USH2A: variants seen among roughly 807,000 people sequenced by gnomAD.
USH2A encodes usherin.
USH2A carries 443 observed loss-of-function variants against 538.9 expected under a neutral mutation model. The ratio of observed to expected loss-of-function variants is 0.82; its 90% CI spans 0.76 to 0.89. The LOEUF is 0.89. Among genes scored for constraint, USH2A ranks in the 40% least tolerant of loss-of-function variants. The pLI, the probability that USH2A is intolerant of heterozygous loss-of-function variation, is 0.00. For synonymous variants in USH2A, 2,413 were observed against 2,273.5 expected (o/e 1.06, Z -1.75); for missense variants, 6,633 against 6,324.8 (o/e 1.05, Z -1.65).
In USH2A at chr1:215,648,530, G is replaced by A. The variant is rs766921811; in HGVS notation, c.14580C>T (p.His4860=). The change falls in exon 66 of 72, where the codon CAC becomes CAT. Residue 4860 remains histidine (H), a splice_region_variant and synonymous_variant. Transcript: ENST00000307340. ...SPPMFPNGVI[H]SYELQFHVAC... ...CATCCTTCTGCCTGACCCATTACCTGTGAATGACACCATTGGGGAACATGG... is the reference window on the plus strand; with the variant it reads ...CATCCTTCTGCCTGACCCATTACCTATGAATGACACCATTGGGGAACATGG... 5 of 1,614,022 alleles carry A rather than the reference G, an allele frequency of 3.1e-6. No individual in the cohort carries two copies. The South Asian group carries it at 4.4e-5, about 14-fold the overall frequency.
At chr1:216,112,542 C>G (rs950961662) in intron 21 of USH2A, among the ~76,000 whole-genome samples, 1 of 152,158 alleles carries the variant, frequency 6.6e-6, no homozygotes, top group East Asian at 1.9e-4. Flanking sequence ...GTTCAATGAA[C>G]AGATGATTTC....
chr1:215,823,712 A>G (rs568790542), intron 47 of USH2A, among the ~76,000 whole-genome samples: 1 of 152,026 alleles, frequency 6.6e-6, no homozygotes, highest in South Asian at 2.1e-4. Flanking sequence ...TATACCTTGT[A>G]GGTGATCTTC....
Position 215,674,349 on chromosome 1 carries a change from G to T in USH2A, c.13562C>A (p.Pro4521His). ...GGGGCTGGTTCGATCTTTGACAAGA[G>T]GACTCAAAATACCCCCTTGGCTGTT... The part of the protein sequence containing the change: ...ASNSQGGILS[P>H]LVKDRTSPSA... The change falls in exon 63 of 72, where the codon CCT (proline) becomes CAT (histidine). Residue 4521 changes from proline (P) to histidine (H), a missense_variant. By Grantham distance (77) the Pro-to-His change is moderately conservative. Transcript: ENST00000307340. 1 of 1,613,810 alleles carries T rather than the reference G, an allele frequency of 6.2e-7. No individual in the cohort carries two copies. Among genetic ancestry groups the T allele is most frequent in the Non-Finnish European group, 8.5e-7 (1 of 1,179,874 alleles).
intron 11 of USH2A, among the ~76,000 whole-genome samples, chr1:216,255,122 C>CTT (rs560552791): frequency 1.3e-5 from 2 of 152,210 alleles, no homozygotes; most frequent in Non-Finnish European, 2.9e-5. Context: ...TTCTCCTGCT[C>CTT]TTTATGGCTT....
At chr1:216,112,821 T>C (rs191666690) in intron 21 of USH2A, among the ~76,000 whole-genome samples, 1 of 152,222 alleles carries the variant, frequency 6.6e-6, no homozygotes. Context: ...TCTCATGCTG[T>C]ATATGTACCA....
At chr1:215,709,182 T>A (rs1659265998) in intron 61 of USH2A, among the ~76,000 whole-genome samples, 1 of 152,194 alleles carries the variant, frequency 6.6e-6, no homozygotes, top group Admixed American at 6.5e-5. Flanking sequence ...TCATTAATGA[T>A]TAATCTTTCA....
intron 32 of USH2A, among the ~76,000 whole-genome samples, chr1:216,016,163 G>A (rs1335073203): frequency 1.3e-5 from 2 of 149,902 alleles, no homozygotes; most frequent in East Asian, 4.0e-4. Flanking sequence ...TGGACACAGG[G>A]TGGGGAACAT....
intron 38 of USH2A, among the ~76,000 whole-genome samples, chr1:215,913,909 T>C (rs1162316590): frequency 6.6e-6 from 1 of 151,974 alleles, no homozygotes. Context: ...GGGAAAACTA[T>C]AGATATCCTT....
intron 21 of USH2A, among the ~76,000 whole-genome samples, chr1:216,163,643 T>G (rs2034109907): frequency 3.7e-5 from 1 of 27,280 alleles, no homozygotes; most frequent in African/African-American, 4.8e-4. Context: ...ATAACTTTTA[T>G]CTCAGTATAA....
intron 49 of USH2A, among the ~76,000 whole-genome samples, chr1:215,810,767 C>T (rs188263841): frequency 6.6e-6 from 1 of 152,240 alleles, no homozygotes; most frequent in East Asian, 1.9e-4. Context: ...CCATTGTTGA[C>T]ATCGTGAGCT....
At chr1:216,272,875 A>G (rs2036602541) in intron 11 of USH2A, among the ~76,000 whole-genome samples, 1 of 152,116 alleles carries the variant, frequency 6.6e-6, no homozygotes, top group Admixed American at 6.6e-5. Flanking sequence ...CATGTATTTC[A>G]TATGTTCAGC....
intron 3 of USH2A, among the ~76,000 whole-genome samples, chr1:216,389,634 G>C (rs2039066399): frequency 6.6e-6 from 1 of 151,926 alleles, no homozygotes; most frequent in South Asian, 2.1e-4. Flanking sequence ...ATTTCTAAAG[G>C]AGATTTATAT....
At chr1:215,752,137 G>A (rs902278973) in intron 58 of USH2A, among the ~76,000 whole-genome samples, 2 of 152,104 alleles carry the variant, frequency 1.3e-5, no homozygotes, top group African/African-American at 2.4e-5. Flanking sequence ...TTAAGTTAAT[G>A]TAGACGAAGG....
At chr1:215,993,327 A>T (rs2102476978) in intron 34 of USH2A, among the ~76,000 whole-genome samples, 160 bp from the exon 35 acceptor site, 1 of 152,332 alleles carries the variant, frequency 6.6e-6, no homozygotes, top group South Asian at 2.1e-4. Flanking sequence ...TTTAACATTT[A>T]TTTAATTTGC....
chr1:216,421,961 T>A lies in USH2A; in HGVS notation c.376A>T (p.Ser126Cys). Reference protein sequence around the residue: ...LHPNAHSNSASFIFGNHKSCF... With the variant: ...LHPNAHSNSACFIFGNHKSCF... ...CTCTTGTGATTTCCAAAAATAAAACTTGCAGAATTGCTATGGGCGTTAGGA... is the reference window on the plus strand; with the variant it reads ...CTCTTGTGATTTCCAAAAATAAAACATGCAGAATTGCTATGGGCGTTAGGA... The change falls in exon 2 of 72, where the codon AGT becomes TGT. Residue 126 changes from serine (S) to cysteine (C), a missense_variant. By Grantham distance (112) the Ser-to-Cys change is moderately radical (BLOSUM62 -1). Transcript: ENST00000307340. The A allele has an allele frequency of 6.2e-7, 1 of 1,613,936 alleles. No individual in the cohort carries two copies. The highest frequency in any genetic ancestry group is 8.5e-7 in the Non-Finnish European group (1 of 1,179,920).
intron 32 of USH2A, among the ~76,000 whole-genome samples, chr1:216,043,514 T>G (rs113477124): frequency 4.6e-5 from 7 of 152,110 alleles, no homozygotes; most frequent in African/African-American, 1.4e-4. Flanking sequence ...ATCAATCTAT[T>G]ACCATGGATG....
intron 61 of USH2A, among the ~76,000 whole-genome samples, chr1:215,695,900 C>T (rs1472282343): frequency 1.3e-5 from 2 of 152,030 alleles, no homozygotes; most frequent in Non-Finnish European, 2.9e-5. Context: ...CAGGTGTGTG[C>T]CACCACACCC....
chr1:216,101,841 T>C (rs1042388704), intron 21 of USH2A, among the ~76,000 whole-genome samples: 2 of 152,228 alleles, frequency 1.3e-5, no homozygotes, highest in Non-Finnish European at 2.9e-5. Context: ...GTACAAATGG[T>C]ATACATGAGA....
chr1:215,979,950 A>G (rs1181733194), intron 35 of USH2A, among the ~76,000 whole-genome samples: 1 of 152,188 alleles, frequency 6.6e-6, no homozygotes, highest in African/African-American at 2.4e-5. Flanking sequence ...TCTTGATTAT[A>G]TCAGAGTTAA....
Sources: allele counts gnomAD v4.1 joint callset (sites outside exome capture counted in the v4.1 genomes callset), GRCh38; gene constraint gnomAD v4.1.1; transcripts MANE v1.5; gene names NCBI Gene and HGNC (gene_info 2026-07-23, HGNC 2026-07-21).